Variants in DCP1B observed in about 807,000 individuals in gnomAD.
DCP1B encodes decapping mRNA 1B.
A neutral mutation model predicts 60.5 loss-of-function variants in DCP1B; 47 were observed. That is an observed-to-expected ratio of 0.78 (90% confidence interval 0.61 to 0.99). The LOEUF (loss-of-function observed/expected upper bound fraction) is 0.99, where lower values mean the gene tolerates loss of function less well. Ranked by LOEUF, DCP1B falls within the 50% of genes least tolerant of loss-of-function variation. The pLI is 0.00. For synonymous variants in DCP1B, 267 were observed against 280.3 expected (o/e 0.95, Z 0.47); for missense variants, 725 against 756.8 (o/e 0.96, Z 0.49).
At chr12:2,004,254 T>C in intron 1 of DCP1B, 28 bp downstream of exon 1, 1 of 1,612,014 alleles carries the variant, frequency 6.2e-7, no homozygotes, top group Non-Finnish European at 8.5e-7. Flanking sequence ...AACCCTGGGC[T>C]GCACTGCTCC....
In DCP1B at chr12:1,970,083, T is replaced by G. The variant is rs577883142; in HGVS notation, c.320-2173A>C. ...TTTGATGTTATACATTTGCGGCATT[T>G]GACATAAGGAATTAGGCTTTCGTAA... On this transcript the variant is annotated intron_variant, in intron 3 of 8. Coordinates refer to ENST00000280665, the MANE Select transcript of DCP1B (RefSeq NM_152640.5). Among the ~76,000 whole-genome samples the G allele has an allele frequency of 2.8e-4, 43 of 152,314 alleles. No individual in the cohort carries two copies. In the South Asian group the frequency reaches 4.6e-3, roughly 16 times the overall value.
At chr12:1,945,908 C>T (rs1042973016), downstream of DCP1B, 4 of 178,978 alleles carry the variant, frequency 2.2e-5, no homozygotes, top group Middle Eastern at 2.2e-3. Context: ...GGGGAGGAAG[C>T]GCGTTAGGAG....
intron 2 of DCP1B, among the ~76,000 whole-genome samples, chr12:1,995,334 CCT>C (rs1258876841): frequency 6.6e-6 from 1 of 152,196 alleles, no homozygotes. Context: ...GAGAACGCAC[CCT>C]GTGTGCATGG....
chr12:1,950,380 G>T, intron 7 of DCP1B: 7 of 702,364 alleles, frequency 1.0e-5, no homozygotes, highest in Non-Finnish European at 1.8e-5. Flanking sequence ...TGTGAGTACT[G>T]AAAAGTCAAG....
chr12:1,970,789 T>C (rs916004828), intron 3 of DCP1B: 10 of 201,038 alleles, frequency 5.0e-5, no homozygotes, highest in Admixed American at 4.1e-4. Flanking sequence ...CATCCCTACA[T>C]AGGCAGGGAG....
chr12:1,960,850 CA>C (rs1461314262), intron 5 of DCP1B, among the ~76,000 whole-genome samples: 1 of 152,172 alleles, frequency 6.6e-6, no homozygotes. Flanking sequence ...ACTCACTTCC[CA>C]ACAAGAACTC....
intron 3 of DCP1B, among the ~76,000 whole-genome samples, chr12:1,969,782 G>T (rs1040248134): frequency 6.6e-6 from 1 of 152,070 alleles, no homozygotes; most frequent in African/African-American, 2.4e-5. Flanking sequence ...TTGGATCACT[G>T]ACGTTCAACC....
intron 3 of DCP1B, among the ~76,000 whole-genome samples, chr12:1,983,734 G>A (rs2036826207): frequency 1.3e-5 from 2 of 151,924 alleles, no homozygotes; most frequent in Non-Finnish European, 2.9e-5. Context: ...TGACAGCTGT[G>A]TTTAGTTGAT....
chr12:1,953,072 G>A lies in DCP1B; in HGVS notation c.868C>T (p.Leu290Phe), dbSNP rs372256715. ...ATGAGTTTCTGAATGGCTGGACAGA[G>A]CTGCTTCTCAATGGGGGGTGAGTGT... Reference protein sequence around the residue: ...RRHSPPIEKQLCPAIQKLMVR... With the variant: ...RRHSPPIEKQFCPAIQKLMVR... The change falls in exon 7 of 9, where the codon CTC becomes TTC. Residue 290 changes from leucine (L) to phenylalanine (F), a missense_variant. By Grantham distance (22) the Leu-to-Phe change is conservative. Transcript: ENST00000280665. 8.0e-5 allele frequency: 129 copies of A among 1,614,032 alleles called. No individual in the cohort carries two copies. Among genetic ancestry groups the A allele is most frequent in the Non-Finnish European group, 1.0e-4 (119 of 1,180,020 alleles).
chr12:1,960,171 A>C (rs1407065667), intron 5 of DCP1B, among the ~76,000 whole-genome samples: 1 of 152,204 alleles, frequency 6.6e-6, no homozygotes, highest in Admixed American at 6.5e-5. Flanking sequence ...GGATAAAGAA[A>C]ATGTGGTGTA....
Position 1,962,417 on chromosome 12 carries a change from A to G in DCP1B, c.522+3141T>C, listed in dbSNP as rs1018842760. 5.9e-5 allele frequency among the ~76,000 whole-genome samples: 9 copies of G among 152,286 alleles called. No individual in the cohort carries two copies. The highest frequency in any genetic ancestry group is 2.6e-4 in the Admixed American group (4 of 15,302). Reference sequence around the variant, plus strand: ...AACATATAGAAGATAAAAAACAGAAACAATACAAGGTATGTGTGTGTTGAG... The same window carrying G: ...AACATATAGAAGATAAAAAACAGAAGCAATACAAGGTATGTGTGTGTTGAG... On this transcript the variant is annotated intron_variant, in intron 5 of 8. Coordinates refer to ENST00000280665, the MANE Select transcript of DCP1B (RefSeq NM_152640.5). This position sits in a 1 kb window ranked among gnomAD's most constrained non-coding sequence, Gnocchi z 4.4.
intron 3 of DCP1B, among the ~76,000 whole-genome samples, chr12:1,987,172 T>C (rs2038042288): frequency 6.6e-6 from 1 of 152,260 alleles, no homozygotes; most frequent in African/African-American, 2.4e-5. Flanking sequence ...AGAAGTACTC[T>C]GCCCTGCTGC....
At chr12:1,997,898 G>C in intron 2 of DCP1B, 37 bp downstream of exon 2, 1 of 1,527,024 alleles carries the variant, frequency 6.5e-7, no homozygotes, top group Non-Finnish European at 9.0e-7. Flanking sequence ...ATATTATTTT[G>C]AAGATTAGTT....
chr12:1,967,106 C>T (rs1048737088), intron 4 of DCP1B, among the ~76,000 whole-genome samples: 2 of 152,184 alleles, frequency 1.3e-5, no homozygotes, highest in Admixed American at 1.3e-4. Flanking sequence ...GTGAGCAGCC[C>T]TGGGCTCAAA....
At chr12:1,963,756 T>C (rs1020811444) in intron 5 of DCP1B, among the ~76,000 whole-genome samples, 1 of 152,176 alleles carries the variant, frequency 6.6e-6, no homozygotes, top group Non-Finnish European at 1.5e-5. Flanking sequence ...TGGAAGGAAG[T>C]AATATTTCGA....
chr12:1,952,664 G>A lies in DCP1B; in HGVS notation c.1276C>T (p.Gln426Ter). 1 of 1,614,134 alleles carries A rather than the reference G, an allele frequency of 6.2e-7. No homozygotes were observed. The highest frequency in any genetic ancestry group is 1.1e-5 in the South Asian group (1 of 91,068). Residue 426 changes from glutamine to a stop codon, truncating the protein, a stop_gained, in exon 7 of 9, where the codon CAG (glutamine) becomes TAG (stop). Transcript: ENST00000280665. LOFTEE classifies it high-confidence loss of function. Reference protein sequence around the residue: ...TVGHQAHGREQSTLPRQTLPI... With the variant: ...TVGHQAHGRE ...AGTGTTTGTCTTGGGAGTGTGGACT[G>A]TTCTCTTCCATGAGCCTGATGTCCT...
intron 5 of DCP1B, among the ~76,000 whole-genome samples, chr12:1,956,362 T>C (rs2030885219): frequency 6.6e-6 from 1 of 152,236 alleles, no homozygotes; most frequent in Admixed American, 6.5e-5. Flanking sequence ...ATCATTTGTT[T>C]CCACTGTACA....
chr12:1,944,598 G>C (rs1388137209), downstream of DCP1B, among the ~76,000 whole-genome samples: 3 of 152,096 alleles, frequency 2.0e-5, no homozygotes, highest in African/African-American at 7.2e-5. Flanking sequence ...ACAGACCAAG[G>C]AACAGAACAG....
chr12:1,993,455 G>A, intron 2 of DCP1B, 64 bp from the exon 3 acceptor site: 7 of 1,565,436 alleles, frequency 4.5e-6, no homozygotes, highest in Non-Finnish European at 6.1e-6. Flanking sequence ...TATATTTTCA[G>A]TATAAGTACA....
Sources: gnomAD v4.1 joint callset for allele counts (sites outside exome capture counted in the v4.1 genomes callset) on GRCh38, gnomAD v4.1.1 for gene constraint, Gnocchi (gnomAD v3.1) non-coding constraint, MANE v1.5 for transcripts, NCBI Gene and HGNC (gene_info 2026-07-23, HGNC 2026-07-21) for gene names.